The following FAM168A variants were observed in gnomAD, a reference collection of about 807,000 sequenced individuals.
The protein encoded by FAM168A is family with sequence similarity 168 member A.
In FAM168A, 3 loss-of-function variants were observed where a neutral mutation model predicts 28.5. The observed-to-expected ratio is 0.11, with a 90% CI of 0.05 to 0.27. The LOEUF (loss-of-function observed/expected upper bound fraction) is 0.27. Ranked by LOEUF, FAM168A falls within the 10% of genes least tolerant of loss-of-function variation. FAM168A has a pLI of 1.00. For synonymous variants in FAM168A, 122 were observed against 124.2 expected (o/e 0.98, Z 0.12); for missense variants, 222 against 311.5 (o/e 0.71, Z 2.16).
intron 1 of FAM168A, among the ~76,000 whole-genome samples, chr11:73,497,072 C>T (rs970963182): frequency 1.3e-5 from 2 of 152,302 alleles, no homozygotes; most frequent in East Asian, 3.9e-4. Context: ...ATTTCTGCAT[C>T]GAAAGCCCTG....
At chr11:73,500,866 A>G (rs940675703) in intron 1 of FAM168A, among the ~76,000 whole-genome samples, 2 of 152,230 alleles carry the variant, frequency 1.3e-5, no homozygotes, top group African/African-American at 4.8e-5. Flanking sequence ...AATGGGCTAA[A>G]TGCCCCAATT....
intron 1 of FAM168A, among the ~76,000 whole-genome samples, chr11:73,588,050 T>G (rs957130055): frequency 3.3e-5 from 5 of 151,552 alleles, no homozygotes; most frequent in African/African-American, 7.3e-5. Context: ...GCACCGAGCC[T>G]CACATAAAGC....
intron 1 of FAM168A, among the ~76,000 whole-genome samples, chr11:73,544,727 T>G (rs1330970774): frequency 8.4e-6 from 1 of 118,832 alleles, no homozygotes; most frequent in African/African-American, 3.8e-5. Context: ...ATATTTTATA[T>G]GTAATTATAT....
intron 1 of FAM168A, among the ~76,000 whole-genome samples, chr11:73,484,565 T>C (rs1868018027): frequency 6.8e-6 from 1 of 146,326 alleles, no homozygotes; most frequent in Non-Finnish European, 1.5e-5. Context: ...TATATATCTA[T>C]ATATCTATAT....
chr11:73,493,197 T>C (rs987964861), intron 1 of FAM168A, among the ~76,000 whole-genome samples: 31 of 148,884 alleles, frequency 2.1e-4, no homozygotes, highest in South Asian at 1.1e-3. Flanking sequence ...AATCACAAAG[T>C]GAAAAAAAAA....
chr11:73,586,557 C>T (rs1944316094), intron 1 of FAM168A, among the ~76,000 whole-genome samples: 1 of 152,074 alleles, frequency 6.6e-6, no homozygotes, highest in East Asian at 1.9e-4. Context: ...TGTTAATTTC[C>T]CACCCCCAGA....
At chr11:73,561,502 G>T (rs1273153135) in intron 1 of FAM168A, among the ~76,000 whole-genome samples, 1 of 151,956 alleles carries the variant, frequency 6.6e-6, no homozygotes, top group East Asian at 1.9e-4. Flanking sequence ...ATAGTACTCA[G>T]GGTTTTTCTT....
chr11:73,544,670 A>ATAATTATATATAATTATATATTTTATATG (rs1413418014), intron 1 of FAM168A, among the ~76,000 whole-genome samples: 4 of 125,094 alleles, frequency 3.2e-5, no homozygotes, highest in Non-Finnish European at 6.4e-5. Flanking sequence ...TATATTATAT[A>ATAATTATATATAATTATATATTTTATATG]TAATTATATA....
intron 1 of FAM168A, among the ~76,000 whole-genome samples, chr11:73,497,451 C>G (rs1002779240): frequency 3.3e-5 from 5 of 151,174 alleles, no homozygotes; most frequent in South Asian, 4.2e-4. Flanking sequence ...CCATACCCCC[C>G]CTCAAAAAAA....
chr11:73,545,683 C>CTTTTTTTTTT (rs966309670), intron 1 of FAM168A, among the ~76,000 whole-genome samples: 5 of 105,176 alleles, frequency 4.8e-5, no homozygotes, highest in Non-Finnish European at 7.4e-5. Flanking sequence ...ATACTATATA[C>CTTTTTTTTTT]TTTTTTTTTT....
chr11:73,583,252 G>A (rs1282968672), intron 1 of FAM168A, among the ~76,000 whole-genome samples: 2 of 152,078 alleles, frequency 1.3e-5, no homozygotes, highest in Non-Finnish European at 2.9e-5. Context: ...GCAGTGAGCC[G>A]AGATCACGCC....
At chr11:73,584,140 G>GA (rs1054815059) in intron 1 of FAM168A, among the ~76,000 whole-genome samples, 1 of 151,388 alleles carries the variant, frequency 6.6e-6, no homozygotes. Flanking sequence ...GATCTAGTCA[G>GA]AAAAAATTTA....
At chr11:73,417,561 T>C (rs74762445) in intron 4 of FAM168A, among the ~76,000 whole-genome samples, 43 of 78,116 alleles carry the variant, frequency 5.5e-4, no homozygotes, top group African/African-American at 1.7e-3. Flanking sequence ...CTCTCTCTCT[T>C]TTTTTTTTTT....
At chr11:73,523,980 G>C (rs1286432507) in intron 1 of FAM168A, among the ~76,000 whole-genome samples, 2 of 150,440 alleles carry the variant, frequency 1.3e-5, no homozygotes, top group Non-Finnish European at 2.9e-5. Flanking sequence ...CTCCCATCTT[G>C]GCCTCTCAAA....
chr11:73,506,139 CA>C (rs1221036610), intron 1 of FAM168A, among the ~76,000 whole-genome samples: 1 of 152,106 alleles, frequency 6.6e-6, no homozygotes, highest in Non-Finnish European at 1.5e-5. Context: ...AGGCATTTAT[CA>C]AAACCAACAA....
intron 1 of FAM168A, among the ~76,000 whole-genome samples, chr11:73,514,314 C>T (rs917174449): frequency 1.7e-4 from 26 of 152,190 alleles, no homozygotes; most frequent in African/African-American, 5.5e-4. Context: ...AATATATAAA[C>T]GCACCTGGCA....
chr11:73,472,159 G>T (rs492293), intron 1 of FAM168A, among the ~76,000 whole-genome samples: 25,630 of 152,014 alleles, frequency 0.17, 2,337 homozygotes, highest in South Asian at 0.3. Context: ...GTTGGGGACC[G>T]CTCCTGTAAA....
At chr11:73,471,459 T>G (rs1183615351) in intron 1 of FAM168A, among the ~76,000 whole-genome samples, 5 of 152,230 alleles carry the variant, frequency 3.3e-5, no homozygotes, top group African/African-American at 1.2e-4. Context: ...CTGAAAAACG[T>G]ATTCAGTTGT....
In FAM168A at chr11:73,407,535, C is replaced by A; in HGVS notation, c.704G>T (p.Trp235Leu). ...CACTTGGATGGGCTGCAGGCTTTAC[C>A]AGTGTGGGGGCACGTAGCTGTACGC... is the stretch of plus-strand genomic sequence containing the variant. ...TPAYSYVPPH[W>L] is the part of the protein sequence containing the mutation. Residue 235 changes from tryptophan (W) to leucine (L), a missense_variant, in exon 7 of 8, where the codon TGG becomes TTG. Physicochemically the swap from Trp to Leu is moderately conservative, Grantham distance 61. Coordinates refer to ENST00000356467, the MANE Select transcript of FAM168A (RefSeq NM_015159.3). 2.5e-6 allele frequency: 4 copies of A among 1,582,228 alleles called. No homozygotes were observed. Among genetic ancestry groups the A allele is most frequent in the Non-Finnish European group, 3.4e-6 (4 of 1,168,980 alleles).
Sources: gnomAD v4.1 joint callset for allele counts (sites outside exome capture counted in the v4.1 genomes callset) on GRCh38, gnomAD v4.1.1 for gene constraint, MANE v1.5 for transcripts, NCBI Gene and HGNC (gene_info 2026-07-23, HGNC 2026-07-21) for gene names.